PTPRD: variants seen among roughly 807,000 people sequenced by gnomAD.
The protein encoded by PTPRD is receptor-type tyrosine-protein phosphatase delta.
In PTPRD, 34 loss-of-function variants were observed where a neutral mutation model predicts 214.5. That is an observed-to-expected ratio of 0.16 (90% confidence interval 0.12 to 0.21). PTPRD has a LOEUF of 0.21. Ranked by LOEUF, PTPRD falls within the 10% of genes least tolerant of loss-of-function variation. PTPRD has a pLI of 1.00. For synonymous variants in PTPRD, 1,128 were observed against 845.7 expected (o/e 1.33, Z -5.79); for missense variants, 2,545 against 2,398.7 (o/e 1.06, Z -1.27).
At chr9:8,529,476 G>A (rs1033082383) in intron 14 of PTPRD, among the ~76,000 whole-genome samples, 10 of 152,116 alleles carry the variant, frequency 6.6e-5, no homozygotes, top group African/African-American at 2.2e-4. Context: ...GTTCCTTACA[G>A]GGATAAGAGA....
At chr9:9,433,701 A>G (rs1002328662) in intron 8 of PTPRD, among the ~76,000 whole-genome samples, 11 of 152,332 alleles carry the variant, frequency 7.2e-5, no homozygotes, top group Middle Eastern at 3.4e-3. Flanking sequence ...CTGAAAAATC[A>G]TCTTCTTGAT....
intron 5 of PTPRD, among the ~76,000 whole-genome samples, chr9:9,892,838 G>C (rs867248377): frequency 1.3e-5 from 2 of 151,912 alleles, no homozygotes; most frequent in African/African-American, 4.8e-5. Context: ...ATGTTAAAAA[G>C]ACTTAAAGAG....
chr9:8,772,885 T>A (rs1265025171), intron 11 of PTPRD, among the ~76,000 whole-genome samples: 2 of 152,196 alleles, frequency 1.3e-5, no homozygotes, highest in Non-Finnish European at 2.9e-5. Context: ...TGTTCTGAGA[T>A]TCAGTTAAGA....
At chr9:9,914,750 C>T (rs1468802602) in intron 5 of PTPRD, among the ~76,000 whole-genome samples, 2 of 152,174 alleles carry the variant, frequency 1.3e-5, no homozygotes, top group African/African-American at 2.4e-5. Flanking sequence ...CACTCCCGGG[C>T]CAGCTGAGCC....
chr9:10,081,869 G>T (rs533740406), intron 3 of PTPRD, among the ~76,000 whole-genome samples: 9 of 151,656 alleles, frequency 5.9e-5, no homozygotes, highest in African/African-American at 9.7e-5. Flanking sequence ...ATTTGATTAC[G>T]GTATGATGCA....
At chr9:9,931,141 G>A (rs1175181060) in intron 5 of PTPRD, among the ~76,000 whole-genome samples, 1 of 151,906 alleles carries the variant, frequency 6.6e-6, no homozygotes, top group African/African-American at 2.4e-5. Context: ...AAAATTAGAA[G>A]TTACTTTTTT....
At chr9:9,049,873 G>A (rs2099681313) in intron 10 of PTPRD, among the ~76,000 whole-genome samples, 1 of 152,132 alleles carries the variant, frequency 6.6e-6, no homozygotes, top group Admixed American at 6.6e-5. Flanking sequence ...TCAATAAAAT[G>A]AAAAAGACCC....
chr9:8,429,566 A>G (rs1301270779), intron 35 of PTPRD, among the ~76,000 whole-genome samples: 1 of 152,198 alleles, frequency 6.6e-6, no homozygotes, highest in Non-Finnish European at 1.5e-5. Context: ...AAGGTGTAAT[A>G]CATATTGTTA....
At chr9:9,201,335 A>G (rs2099941726) in intron 9 of PTPRD, among the ~76,000 whole-genome samples, 2 of 152,128 alleles carry the variant, frequency 1.3e-5, no homozygotes, top group Non-Finnish European at 2.9e-5. Context: ...GGTCTTTCCT[A>G]TTTTTCTCGA....
At chr9:9,492,359 A>G (rs535676842) in intron 8 of PTPRD, among the ~76,000 whole-genome samples, 2 of 151,604 alleles carry the variant, frequency 1.3e-5, no homozygotes, top group Non-Finnish European at 2.9e-5. Context: ...TAAATTCTCC[A>G]ACTTTTCCCT....
At chr9:10,117,727 A>G (rs1221683009) in intron 3 of PTPRD, among the ~76,000 whole-genome samples, 1 of 151,770 alleles carries the variant, frequency 6.6e-6, no homozygotes, top group East Asian at 1.9e-4. Flanking sequence ...TTTTCACAGG[A>G]ACTGGGAGTT....
intron 12 of PTPRD, among the ~76,000 whole-genome samples, chr9:8,716,982 G>A (rs561693887): frequency 2.0e-5 from 3 of 152,148 alleles, no homozygotes; most frequent in East Asian, 1.9e-4. Context: ...CCTAGACAAC[G>A]TGGCAAAACC....
chr9:10,455,838 A>C, intron 2 of PTPRD, among the ~76,000 whole-genome samples: 1 of 151,906 alleles, frequency 6.6e-6, no homozygotes, highest in South Asian at 2.1e-4. Context: ...TACTTTCAGT[A>C]GAATATAAAA....
intron 13 of PTPRD, among the ~76,000 whole-genome samples, chr9:8,634,528 G>C (rs977974296): frequency 6.6e-6 from 1 of 151,904 alleles, no homozygotes; most frequent in Admixed American, 6.6e-5. Context: ...TTCAATCTTT[G>C]TGCATTCCAT....
Position 9,219,115 on chromosome 9 carries a change from GA to G in PTPRD, c.-202-35753del, listed in dbSNP as rs976734906. Among the ~76,000 whole-genome samples the G allele has an allele frequency of 8.5e-5, 13 of 152,180 alleles. No homozygotes were observed. In the East Asian group the frequency reaches 1.6e-3, roughly 18 times the overall value. ...TTATTACATATGCATAAGCTTATGT[GA>G]AAATCCTTTTTAGATTTCAATGTAC... On this transcript the variant is annotated intron_variant, in intron 9 of 45. Coordinates refer to ENST00000381196, the MANE Select transcript of PTPRD (RefSeq NM_002839.4).
chr9:8,471,565 T>A (rs879302427), intron 30 of PTPRD, among the ~76,000 whole-genome samples: 2 of 152,186 alleles, frequency 1.3e-5, no homozygotes, highest in African/African-American at 2.4e-5. Flanking sequence ...TTTATTTGAA[T>A]TAAAAATTTT....
intron 8 of PTPRD, among the ~76,000 whole-genome samples, chr9:9,441,643 T>A (rs1443580592): frequency 6.6e-6 from 1 of 152,204 alleles, no homozygotes; most frequent in Non-Finnish European, 1.5e-5. Context: ...CAATATAACA[T>A]GTTACACTAA....
chr9:10,321,617 T>C (rs1252078494), intron 3 of PTPRD, among the ~76,000 whole-genome samples: 4 of 152,010 alleles, frequency 2.6e-5, no homozygotes, highest in South Asian at 2.1e-4. Flanking sequence ...GTGGAATGGA[T>C]AGCAACATAA....
intron 9 of PTPRD, among the ~76,000 whole-genome samples, chr9:9,256,069 C>G (rs190352358): frequency 1.6e-4 from 25 of 152,090 alleles, no homozygotes; most frequent in Admixed American, 1.6e-3. Flanking sequence ...TCAAACTTCA[C>G]CCACTTGCCA....
Sources: allele counts gnomAD v4.1 joint callset (sites outside exome capture counted in the v4.1 genomes callset), GRCh38; gene constraint gnomAD v4.1.1; transcripts MANE v1.5; gene names NCBI Gene and HGNC (gene_info 2026-07-23, HGNC 2026-07-21).